The following MYH7B variants were observed in gnomAD, a reference collection of about 807,000 sequenced individuals.
MYH7B encodes the protein myosin heavy chain 7B.
In MYH7B, 205 loss-of-function variants were observed where a neutral mutation model predicts 234.5. The ratio of observed to expected loss-of-function variants is 0.87; its 90% CI spans 0.78 to 0.98. The LOEUF (loss-of-function observed/expected upper bound fraction) is 0.98, where lower values mean the gene tolerates loss of function less well. MYH7B is among the 50% of genes least tolerant of loss of function. The pLI is 0.00. For missense variants in MYH7B, 2,652 were observed against 2,633.4 expected, an observed-to-expected ratio of 1.01 and a Z score of -0.15; for synonymous variants, 1,193 against 1,105.0, an observed-to-expected ratio of 1.08 and a Z score of -1.58.
chr20:34,993,583 G>A, intron 26 of MYH7B, 113 bp downstream of exon 26: 4 of 1,234,414 alleles, frequency 3.2e-6, no homozygotes, highest in Non-Finnish European at 3.3e-6. Context: ...AGCCCCTGTG[G>A]CTGGTTGGGG....
chr20:34,996,635 A>G, exon 30 of MYH7B: 1 of 1,612,586 alleles, frequency 6.2e-7, no homozygotes, highest in Non-Finnish European at 8.5e-7. Flanking sequence ...CTGGAGCAGG[A>G]GAAGAAGCTG....
chr20:34,979,001 GACCCCTCCC>G (rs2081899200), intron 5 of MYH7B, among the ~76,000 whole-genome samples: 1 of 152,122 alleles, frequency 6.6e-6, no homozygotes, highest in Admixed American at 6.5e-5. Flanking sequence ...GGGAAGGCAG[GACCCCTCCC>G]TAAGAGTCAT....
At chr20:34,984,902 T>A in exon 12 of MYH7B, 1 of 1,614,038 alleles carries the variant, frequency 6.2e-7, no homozygotes, top group Non-Finnish European at 8.5e-7. Context: ...CATGGAGGCC[T>A]TTGGCAACGC....
rs1249866811 is a variant in MYH7B, at chr20:35,002,329, T to TTTCC, written c.*145_*148dup. 14 of 919,268 alleles carry TTTCC rather than the reference T, an allele frequency of 1.5e-5. No individual in the cohort carries two copies. In the Middle Eastern group the frequency reaches 1.4e-3, roughly 91 times the overall value. The allele number at this position is 919,268 out of a possible 1,614,324, so 56.9% of individuals were successfully genotyped here. A position where few individuals can be genotyped will look rare whatever the true frequency, so the allele number is the denominator to read the frequency against. ...GGCCCTGAATAAACACCACAGCCAGTTTCCTTCTCATTCTTTTCTTTGGGG... is the reference window on the plus strand; with the variant it reads ...GGCCCTGAATAAACACCACAGCCAGTTTCCTTCCTTCTCATTCTTTTCTTTGGGG... On this transcript the variant is annotated 3_prime_UTR_variant, in exon 45 of 45. Transcript: ENST00000262873.
At chr20:34,963,085 G>A (rs1380493498) in intron 2 of MYH7B, among the ~76,000 whole-genome samples, 1 of 152,212 alleles carries the variant, frequency 6.6e-6, no homozygotes, top group Admixed American at 6.5e-5. Context: ...GTGACAGAGC[G>A]AGACTCCGTC....
rs576644353 is a variant in MYH7B at position 35,000,730 on chromosome 20, TGCTG to T, written c.5179-26_5179-23del. The T allele has an allele frequency of 2.9e-3, 4,707 of 1,606,588 alleles. 17 individuals are homozygous for T. The highest frequency in any genetic ancestry group is 8.6e-3 in the Middle Eastern group (52 of 6,060). ...CCTGGGGACAGAGCAGGTGCAGGCC[TGCTG>T]GCTGGCTGGCTCTGAGACTCCTCTT... On this transcript the variant is annotated intron_variant, in intron 39 of 44. Transcript: ENST00000262873.
chr20:34,997,591 T>C (rs372086755), exon 32 of MYH7B: 20 of 1,613,580 alleles, frequency 1.2e-5, no homozygotes, highest in Non-Finnish European at 1.6e-5. Flanking sequence ...GAGCTGCGCA[T>C]GGAGGTGGAC....
At chr20:34,962,990 C>T (rs1266633709) in intron 2 of MYH7B, among the ~76,000 whole-genome samples, 2 of 152,174 alleles carry the variant, frequency 1.3e-5, no homozygotes, top group Admixed American at 6.5e-5. Flanking sequence ...CCCAGCTATT[C>T]AGGGAGGCTG....
chr20:34,979,604 G>T lies in MYH7B; in HGVS notation c.199-57G>T, dbSNP rs188804192. The T allele has an allele frequency of 3.6e-3, 5,849 of 1,610,254 alleles. 55 individuals carry two copies. The highest frequency in any genetic ancestry group is 0.019 in the South Asian group (1,709 of 90,776). ...TCTGGGTATGTGGGTGGGGGTGACA[G>T]GTGAGGTCGGTCGGTTCCTCCCGGT... On this transcript the variant is annotated intron_variant, in intron 6 of 44. Coordinates refer to ENST00000262873, the Ensembl canonical transcript of MYH7B.
chr20:35,002,118 A>G (rs1569070861), intron 44 of MYH7B, 33 bp downstream of exon 44: 1 of 1,610,874 alleles, frequency 6.2e-7, no homozygotes, highest in South Asian at 1.1e-5. Flanking sequence ...CTCTCTGTGC[A>G]GGGGGACTGT....
chr20:35,000,463 G>A lies in MYH7B; in HGVS notation c.4952G>A (p.Arg1651Gln), dbSNP rs772339735. ...GCCACAGAGGCCCAGGCTGCCACGC[G>A]GCTGATGCAGGCACAGCTCAAGGAG... Residue 1651 changes from arginine (R) to glutamine (Q), a missense_variant, in exon 39 of 45, where the codon CGG becomes CAG. Physicochemically the swap from Arg to Gln is conservative, Grantham distance 43 (BLOSUM62 1). This residue lies in a region of MYH7B where 2,279 missense variants were observed against 2,211.4 expected (regional missense o/e 1.03). Coordinates refer to ENST00000262873, the Ensembl canonical transcript of MYH7B. The A allele has an allele frequency of 1.6e-5, 25 of 1,601,780 alleles. No individual in the cohort carries two copies. In the Middle Eastern group the frequency reaches 5.7e-4, roughly 37 times the overall value.
chr20:34,975,055 T>C (rs1264036501), intron 2 of MYH7B, among the ~76,000 whole-genome samples: 1 of 152,010 alleles, frequency 6.6e-6, no homozygotes, highest in Non-Finnish European at 1.5e-5. Flanking sequence ...AACACTAATC[T>C]CTGAGGTTAG....
chr20:34,959,056 C>G (rs927073631), intron 2 of MYH7B, among the ~76,000 whole-genome samples: 4 of 152,236 alleles, frequency 2.6e-5, no homozygotes, highest in African/African-American at 9.6e-5. Flanking sequence ...CACAGCCTTT[C>G]AAGGTAGAAA....
intron 2 of MYH7B, among the ~76,000 whole-genome samples, chr20:34,970,182 C>T (rs2081779570): frequency 1.3e-5 from 2 of 152,116 alleles, no homozygotes; most frequent in South Asian, 2.1e-4. Context: ...TCCTAAGGGC[C>T]AAGGTAAGCC....
intron 2 of MYH7B, among the ~76,000 whole-genome samples, chr20:34,964,064 G>A (rs1192503334): frequency 6.6e-6 from 1 of 152,050 alleles, no homozygotes; most frequent in African/African-American, 2.4e-5. Flanking sequence ...ACTATATATG[G>A]TAAAAAGACT....
At chr20:34,960,304 T>C (rs538842445) in intron 2 of MYH7B, among the ~76,000 whole-genome samples, 13 of 152,242 alleles carry the variant, frequency 8.5e-5, no homozygotes, top group South Asian at 6.2e-4. Context: ...GGCGCCATCT[T>C]GGCTCACTGC....
At chr20:34,968,010 C>G (rs983331756) in intron 2 of MYH7B, among the ~76,000 whole-genome samples, 3 of 152,250 alleles carry the variant, frequency 2.0e-5, no homozygotes, top group Admixed American at 6.5e-5. Flanking sequence ...TACCCCAACA[C>G]CCACAGAGCC....
chr20:34,993,804 C>T (rs995051037), intron 26 of MYH7B, among the ~76,000 whole-genome samples: 1 of 152,252 alleles, frequency 6.6e-6, no homozygotes, highest in African/African-American at 2.4e-5. Context: ...GAGAAACAGG[C>T]GCTGTGATGG....
chr20:34,977,075 TCTCA>T (rs1200061798), intron 3 of MYH7B, among the ~76,000 whole-genome samples: 1 of 83,984 alleles, frequency 1.2e-5, no homozygotes. Context: ...TCTCTCTCCC[TCTCA>T]CTCCTTCTCT....
Sources: allele counts gnomAD v4.1 joint callset (sites outside exome capture counted in the v4.1 genomes callset), GRCh38; gene constraint gnomAD v4.1.1; regional missense constraint gnomAD v4.1.1; transcripts MANE v1.5; gene names NCBI Gene and HGNC (gene_info 2026-07-23, HGNC 2026-07-21).